USP3: variants seen among roughly 807,000 people sequenced by gnomAD.
USP3 encodes the protein ubiquitin carboxyl-terminal hydrolase 3.
A neutral mutation model predicts 72.3 loss-of-function variants in USP3; 20 were observed. The ratio of observed to expected loss-of-function variants is 0.28; its 90% confidence interval spans 0.19 to 0.40. The LOEUF is 0.40. Ranked by LOEUF, USP3 falls within the 10% of genes least tolerant of loss-of-function variation. The pLI is 1.00. For missense variants in USP3, 479 were observed against 633.9 expected (o/e 0.76, Z 2.62); for synonymous variants, 222 against 225.3 (o/e 0.99, Z 0.13).
intron 9 of USP3, among the ~76,000 whole-genome samples, chr15:63,572,335 A>T (rs1037398496): frequency 3.3e-5 from 5 of 152,004 alleles, no homozygotes; most frequent in Non-Finnish European, 5.9e-5. Context: ...TGTGAACATC[A>T]GCATGAAAGG....
rs533948286 is a variant in USP3, at chr15:63,578,397, G to A, written c.1096+3994G>A. Among the ~76,000 whole-genome samples, 189 of 151,744 alleles carry A rather than the reference G, an allele frequency of 1.2e-3. 1 individual carries two copies. The highest frequency in any genetic ancestry group is 4.2e-3 in the African/African-American group (175 of 41,378). On this transcript the variant is annotated intron_variant, in intron 11 of 14. Transcript: ENST00000380324. The stretch of plus-strand genomic sequence containing the variant: ...AGGCGGGTGGATCACGAGGTCAGGA[G>A]ATAGAGACCATCCTGGCTAACACGG...
Position 63,553,390 on chromosome 15 carries a change from G to A in USP3, c.285-325G>A, listed in dbSNP as rs1354190504. On this transcript the variant is annotated intron_variant, in intron 3 of 14. Coordinates refer to ENST00000380324, the MANE Select transcript of USP3 (RefSeq NM_006537.4). The surrounding 1 kb of genome is among the most constrained non-coding windows in gnomAD (Gnocchi z 4.2). Reference sequence around the variant, plus strand: ...TTAATGCTACATGAAAAGACTCGGTGCTTTTTATTTCATTTTCCATGTATT... The same window carrying A: ...TTAATGCTACATGAAAAGACTCGGTACTTTTTATTTCATTTTCCATGTATT... 1 of 173,658 alleles carries A rather than the reference G, an allele frequency of 5.8e-6. No homozygotes were observed. The highest frequency in any genetic ancestry group is 1.5e-4 in the East Asian group (1 of 6,658). The allele number at this position is 173,658 out of a possible 1,614,324, so 10.8% of individuals were successfully genotyped here. A position where few individuals can be genotyped will look rare whatever the true frequency, so the allele number is the denominator to read the frequency against.
intron 3 of USP3, among the ~76,000 whole-genome samples, chr15:63,540,121 G>A (rs145483772): frequency 8.5e-5 from 13 of 152,320 alleles, no homozygotes; most frequent in African/African-American, 3.1e-4. Context: ...CTTGACTAAA[G>A]TCAAAGCCTT....
intron 1 of USP3, among the ~76,000 whole-genome samples, chr15:63,512,956 A>T (rs1039542792): frequency 3.3e-5 from 5 of 152,260 alleles, no homozygotes; most frequent in African/African-American, 1.2e-4. Flanking sequence ...TAATTTTATA[A>T]GACCCTTTGA....
At chr15:63,560,635 T>C (rs62012766) in intron 7 of USP3, among the ~76,000 whole-genome samples, 18,965 of 151,868 alleles carry the variant, frequency 0.12, 1,592 homozygotes, top group South Asian at 0.2. Context: ...TGAAATTAAT[T>C]TGTAGTCAAC....
chr15:63,556,898 A>G (rs2066519389), intron 5 of USP3, 150 bp downstream of exon 5: 1 of 616,316 alleles, frequency 1.6e-6, no homozygotes, highest in Non-Finnish European at 2.8e-6. Context: ...TGCCACCTGT[A>G]CTGTCGATTG....
rs1426279771 is a variant in USP3 at position 63,562,889 on chromosome 15, T to C, written c.648-6T>C. ...TCTGAGGGCACTGTCCTTTCCTCTTTTGCAGGTCTTTGGTAGAAGAGTTTA... is the reference window on the plus strand; with the variant it reads ...TCTGAGGGCACTGTCCTTTCCTCTTCTGCAGGTCTTTGGTAGAAGAGTTTA... On this transcript the variant is annotated splice_polypyrimidine_tract_variant and splice_region_variant and intron_variant, in intron 7 of 14. Transcript: ENST00000380324. 2.5e-6 allele frequency: 4 copies of C among 1,597,012 alleles called. No individual in the cohort carries two copies. The highest frequency in any genetic ancestry group is 2.7e-5 in the African/African-American group (2 of 74,304).
chr15:63,515,678 C>A (rs1471021588), intron 1 of USP3, among the ~76,000 whole-genome samples: 1 of 152,142 alleles, frequency 6.6e-6, no homozygotes, highest in Non-Finnish European at 1.5e-5. Flanking sequence ...ATATTTTAGA[C>A]TTTTTAATAA....
intron 7 of USP3, among the ~76,000 whole-genome samples, chr15:63,561,690 G>T (rs2066610625): frequency 6.6e-6 from 1 of 152,238 alleles, no homozygotes; most frequent in African/African-American, 2.4e-5. Flanking sequence ...GAAGGCGAGT[G>T]TCTGGCTGTT....
chr15:63,546,590 CTTTATTTTAT>C (rs562261578), intron 3 of USP3, among the ~76,000 whole-genome samples: 1 of 152,074 alleles, frequency 6.6e-6, no homozygotes, highest in Admixed American at 6.5e-5. Context: ...ATCTGTTTGC[CTTTATTTTAT>C]TTTATTTTAT....
At position 63,529,800 on chromosome 15, in the gene USP3, A is replaced by C. The variant is rs921106126; in HGVS notation, c.92-2847A>C. On this transcript the variant is annotated intron_variant, in intron 1 of 14. Transcript: ENST00000380324. The surrounding 1 kb of genome is among the most constrained non-coding windows in gnomAD (Gnocchi z 4.2). ...TTCCTCGTACAAAGGAGGGACAAAA[A>C]TCCTCCATAATTAAAAAAATATCCT... Among the ~76,000 whole-genome samples, 1 of 152,174 alleles carries C rather than the reference A, an allele frequency of 6.6e-6. No homozygotes were observed. Among genetic ancestry groups the C allele is most frequent in the Non-Finnish European group, 1.5e-5 (1 of 68,012 alleles).
chr15:63,555,982 G>T (rs1303633266), intron 4 of USP3, among the ~76,000 whole-genome samples: 1 of 152,100 alleles, frequency 6.6e-6, no homozygotes, highest in African/African-American at 2.4e-5. Flanking sequence ...AGATTAATTT[G>T]CCTGAGACAT....
intron 11 of USP3, among the ~76,000 whole-genome samples, chr15:63,584,499 A>G (rs1158367371): frequency 6.6e-6 from 1 of 152,180 alleles, no homozygotes; most frequent in Non-Finnish European, 1.5e-5. Context: ...GTGAAGTAGT[A>G]TCTCACTATG....
chr15:63,578,138 C>T (rs951760773), intron 11 of USP3, among the ~76,000 whole-genome samples: 7 of 151,462 alleles, frequency 4.6e-5, no homozygotes, highest in Admixed American at 1.3e-4. Context: ...TAGCCAGGTA[C>T]GGTGGCATGT....
Position 63,529,205 on chromosome 15 carries a change from T to G in USP3, c.92-3442T>G. ...TTTTTTTTTTTTCTTTTTTTTGAGA[T>G]ATATTAAAAGGCACAGTCCATAGTC... is the stretch of plus-strand genomic sequence containing the variant. On this transcript the variant is annotated intron_variant, in intron 1 of 14. Transcript: ENST00000380324. This position sits in a 1 kb window ranked among gnomAD's most constrained non-coding sequence, Gnocchi z 4.2. 1 of 492,440 alleles carries G rather than the reference T, an allele frequency of 2.0e-6. No homozygotes were observed. 30.5% of individuals were successfully genotyped at this position (492,440 alleles called of 1,614,324 possible).
chr15:63,532,755 T>G, intron 2 of USP3, 48 bp downstream of exon 2: 5 of 1,595,760 alleles, frequency 3.1e-6, no homozygotes, highest in Non-Finnish European at 4.3e-6. Flanking sequence ...TTTTTAAAAT[T>G]TGTCTTTAAG....
chr15:63,591,864 T>TGAC lies in USP3; in HGVS notation c.*1038_*1039insGAC, dbSNP rs1347366195. 3 of 152,046 alleles carry TGAC rather than the reference T, an allele frequency of 2.0e-5. No homozygotes were observed. Among genetic ancestry groups the TGAC allele is most frequent in the Non-Finnish European group, 2.9e-5 (2 of 67,978 alleles). 9.4% of individuals were successfully genotyped at this position (152,046 alleles called of 1,614,324 possible). A position where few individuals can be genotyped will look rare whatever the true frequency, so the allele number is the denominator to read the frequency against. On this transcript the variant is annotated 3_prime_UTR_variant, in exon 15 of 15. Coordinates refer to ENST00000380324, the MANE Select transcript of USP3 (RefSeq NM_006537.4). Reference sequence around the variant, plus strand: ...CCTCTCTCTGGCCTATCCTGATTGATAGGACAAGTTGAAAATACTGTTGGA... The same window carrying TGAC: ...CCTCTCTCTGGCCTATCCTGATTGATGACAGGACAAGTTGAAAATACTGTTGGA...
rs2067259646 is a variant in USP3, at chr15:63,594,596, C to G, written c.*3770C>G. On this transcript the variant is annotated 3_prime_UTR_variant, in exon 15 of 15. Transcript: ENST00000380324. Reference sequence around the variant, plus strand: ...CCCTTTTCTGCTTCACCAACCTGAACTGTTTTTAAAAATATCATTAAAAGT... The same window carrying G: ...CCCTTTTCTGCTTCACCAACCTGAAGTGTTTTTAAAAATATCATTAAAAGT... 1 of 152,232 alleles carries G rather than the reference C, an allele frequency of 6.6e-6. No individual in the cohort carries two copies. Among genetic ancestry groups the G allele is most frequent in the Admixed American group, 6.5e-5 (1 of 15,278 alleles). 9.4% of individuals were successfully genotyped at this position (152,232 alleles called of 1,614,324 possible).
chr15:63,540,323 G>T (rs1211407397), intron 3 of USP3, among the ~76,000 whole-genome samples: 1 of 152,142 alleles, frequency 6.6e-6, no homozygotes, highest in Non-Finnish European at 1.5e-5. Context: ...TGAACTCACA[G>T]CTCTTGGAAT....
Sources: gnomAD v4.1 joint callset for allele counts (sites outside exome capture counted in the v4.1 genomes callset) on GRCh38, gnomAD v4.1.1 for gene constraint, Gnocchi (gnomAD v3.1) non-coding constraint, MANE v1.5 for transcripts, NCBI Gene and HGNC (gene_info 2026-07-23, HGNC 2026-07-21) for gene names.